Variants in FSD1L observed in about 807,000 individuals in gnomAD.
FSD1L encodes the protein FSD1-like protein.
FSD1L carries 45 observed loss-of-function variants against 71.6 expected under a neutral mutation model. That is an observed-to-expected ratio of 0.63 (90% CI 0.49 to 0.81). FSD1L has a LOEUF of 0.81. Among genes scored for constraint, FSD1L ranks in the 30% least tolerant of loss-of-function variants. The probability of loss-of-function intolerance (pLI) is 0.00; values close to 1 mark genes in which losing one functional copy is unlikely to be tolerated. For synonymous variants in FSD1L, 197 were observed against 207.2 expected, an observed-to-expected ratio of 0.95 and a Z score of 0.42; for missense variants, 561 against 618.1, an observed-to-expected ratio of 0.91 and a Z score of 0.98.
intron 10 of FSD1L, among the ~76,000 whole-genome samples, chr9:105,517,317 A>G (rs1314640995): frequency 1.3e-5 from 2 of 152,172 alleles, no homozygotes; most frequent in Non-Finnish European, 2.9e-5. Flanking sequence ...TTCAAGAAAT[A>G]CAGAGAGCAC....
chr9:105,509,566 C>T (rs988484689), intron 9 of FSD1L, among the ~76,000 whole-genome samples: 21 of 152,144 alleles, frequency 1.4e-4, no homozygotes, highest in African/African-American at 4.8e-4. Context: ...TTCCACTGAC[C>T]TCTAGTTCAT....
chr9:105,482,098 A>G (rs1832245327), intron 6 of FSD1L, among the ~76,000 whole-genome samples: 3 of 152,130 alleles, frequency 2.0e-5, no homozygotes. Context: ...TTATAAGGGC[A>G]TAGATGGATT....
chr9:105,457,100 A>G (rs933851546), intron 1 of FSD1L, among the ~76,000 whole-genome samples: 8 of 152,198 alleles, frequency 5.3e-5, no homozygotes, highest in African/African-American at 1.7e-4. Context: ...TGAAATGACT[A>G]TATGTAACAT....
intron 5 of FSD1L, among the ~76,000 whole-genome samples, chr9:105,476,109 A>G (rs1831780896): frequency 6.6e-6 from 1 of 152,248 alleles, no homozygotes; most frequent in Non-Finnish European, 1.5e-5. Context: ...ATTAAGAACA[A>G]AAGAGATTGG....
chr9:105,453,075 A>G (rs987354611), intron 1 of FSD1L, among the ~76,000 whole-genome samples: 42 of 107,030 alleles, frequency 3.9e-4, no homozygotes, highest in Non-Finnish European at 6.9e-4. Flanking sequence ...TTGTTAAGCT[A>G]GTTAAGTGTA....
Position 105,546,352 on chromosome 9 carries a change from T to C in FSD1L, c.1468-6T>C. The C allele has an allele frequency of 4.0e-6, 6 of 1,515,646 alleles. No homozygotes were observed. The highest frequency in any genetic ancestry group is 5.3e-6 in the Non-Finnish European group (6 of 1,135,904). The allele number at this position is 1,515,646 out of a possible 1,614,324, so 93.9% of individuals were successfully genotyped here. A position where few individuals can be genotyped will look rare whatever the true frequency, so the allele number is the denominator to read the frequency against. On this transcript the variant is annotated splice_region_variant and splice_polypyrimidine_tract_variant and intron_variant, in intron 13 of 13. Transcript: ENST00000481272. The stretch of plus-strand genomic sequence containing the variant: ...CAATCTGACAGGTTTTTTTGTCTTT[T>C]CTTAGGTATGGTGTGGTGGACTTTC...
chr9:105,537,084 GA>G (rs1836317187), intron 12 of FSD1L, among the ~76,000 whole-genome samples: 1 of 151,930 alleles, frequency 6.6e-6, no homozygotes, highest in Non-Finnish European at 1.5e-5. Flanking sequence ...TTTATATTTT[GA>G]AAAAATTTTA....
At chr9:105,485,533 GTTT>G (rs34268568) in intron 7 of FSD1L, among the ~76,000 whole-genome samples, 4 of 79,404 alleles carry the variant, frequency 5.0e-5, no homozygotes, top group Admixed American at 1.6e-4. Context: ...TTGGTTAGGT[GTTT>G]TTTTTTTTTT....
At chr9:105,514,472 G>T (rs1003053922) in intron 10 of FSD1L, among the ~76,000 whole-genome samples, 2 of 152,006 alleles carry the variant, frequency 1.3e-5, no homozygotes, top group Non-Finnish European at 2.9e-5. Flanking sequence ...GATAAACACT[G>T]TCTCTGCTTT....
Position 105,524,031 on chromosome 9 carries a change from G to A in FSD1L, c.1026-10462G>A, listed in dbSNP as rs55684400. 1.3e-4 allele frequency: 215 copies of A among 1,601,622 alleles called. 1 individual carries two copies. The African/African-American group carries it at 2.7e-3, about 20-fold the overall frequency. ...GCCTTCTCTTCATCCCAACATTCCT[G>A]ATGTTGCTGTGTCTCAGTTTACAGA... On this transcript the variant is annotated intron_variant, in intron 10 of 13. Transcript: ENST00000481272.
At chr9:105,509,133 T>G (rs1834249402) in intron 9 of FSD1L, among the ~76,000 whole-genome samples, 1 of 152,238 alleles carries the variant, frequency 6.6e-6, no homozygotes, top group African/African-American at 2.4e-5. Flanking sequence ...TTATATAGTT[T>G]ATTAATGGTT....
At chr9:105,475,904 G>C (rs1408601639) in intron 5 of FSD1L, among the ~76,000 whole-genome samples, 2 of 152,086 alleles carry the variant, frequency 1.3e-5, no homozygotes, top group African/African-American at 4.8e-5. Flanking sequence ...GAATCAACTG[G>C]TGTGCAATCT....
chr9:105,478,486 G>A (rs1163905588), intron 5 of FSD1L, among the ~76,000 whole-genome samples: 1 of 152,166 alleles, frequency 6.6e-6, no homozygotes, highest in Non-Finnish European at 1.5e-5. Flanking sequence ...GAGCAAAACA[G>A]CCTTGTCTAT....
At chr9:105,522,562 G>A in intron 10 of FSD1L, 3 of 1,613,602 alleles carry the variant, frequency 1.9e-6, no homozygotes, top group Non-Finnish European at 2.5e-6. Flanking sequence ...ACTAGAGTCA[G>A]ACATTTTTCA....
At chr9:105,519,694 T>TA (rs1834986602) in intron 10 of FSD1L, among the ~76,000 whole-genome samples, 1 of 152,234 alleles carries the variant, frequency 6.6e-6, no homozygotes, top group Non-Finnish European at 1.5e-5. Context: ...GCCAGTATCA[T>TA]ACTGAATGGG....
chr9:105,486,324 G>A (rs571468085), intron 7 of FSD1L, among the ~76,000 whole-genome samples: 3 of 152,214 alleles, frequency 2.0e-5, no homozygotes, highest in South Asian at 4.1e-4. Context: ...TTTGATTACC[G>A]TATAATTTAA....
chr9:105,500,366 T>C (rs1833690473), intron 7 of FSD1L, among the ~76,000 whole-genome samples: 1 of 152,162 alleles, frequency 6.6e-6, no homozygotes, highest in Non-Finnish European at 1.5e-5. Context: ...GCAAGGGACT[T>C]CTCAGTTTTC....
rs556354989 is a variant in FSD1L at position 105,529,459 on chromosome 9, T to C, written c.1026-5034T>C. On this transcript the variant is annotated intron_variant, in intron 10 of 13. Transcript: ENST00000481272. The stretch of plus-strand genomic sequence containing the variant: ...TACACAGCCATAAAAAAGGATGAGT[T>C]CATGTCCTTTGCAGGGACACTGATG... Among the ~76,000 whole-genome samples the C allele has an allele frequency of 2.6e-5, 4 of 152,306 alleles. No individual in the cohort carries two copies. In the South Asian group the frequency reaches 8.3e-4, roughly 32 times the overall value.
chr9:105,522,294 G>A (rs2131423879), intron 10 of FSD1L: 1 of 1,613,842 alleles, frequency 6.2e-7, no homozygotes, highest in East Asian at 2.2e-5. Flanking sequence ...ATATAGTTTG[G>A]ATCTCAGTGA....
Sources: gnomAD v4.1 joint callset for allele counts (sites outside exome capture counted in the v4.1 genomes callset) on GRCh38, gnomAD v4.1.1 for gene constraint, MANE v1.5 for transcripts, NCBI Gene and HGNC (gene_info 2026-07-23, HGNC 2026-07-21) for gene names.